Variants in QTGAL observed in about 807,000 individuals in gnomAD.
QTGAL encodes the protein queuosine-tRNA galactosyltransferase.
the QTGAL span, among the ~76,000 whole-genome samples, chr17:82,964,572 G>A: frequency 2.2e-4 from 32 of 144,856 alleles, no homozygotes; most frequent in East Asian, 6.4e-4. Flanking sequence ...GGACACGGAC[G>A]CCTGCAGGTG....
At chr17:83,044,433 G>A in the QTGAL span, among the ~76,000 whole-genome samples, 20 of 152,182 alleles carry the variant, frequency 1.3e-4, no homozygotes, top group Admixed American at 1.1e-3. Context: ...ACAAAATCCG[G>A]CACCCTTTCA....
chr17:82,946,935 G>C, the QTGAL span: 2 of 1,569,898 alleles, frequency 1.3e-6, no homozygotes, highest in Middle Eastern at 1.7e-4. Flanking sequence ...TGGCCCTCCT[G>C]CAAGTGCAGT....
chr17:82,984,281 CGTGAGCACACGGGGGAGAGGCCAT>C, the QTGAL span, among the ~76,000 whole-genome samples: 5 of 51,152 alleles, frequency 9.8e-5, no homozygotes, highest in African/African-American at 4.2e-4. Context: ...GGAGAGGCCA[CGTGAGCACACGGGGGAGAGGCCAT>C]GTGAGGATGT....
At chr17:82,942,531 G>A in the QTGAL span, 6 of 1,609,520 alleles carry the variant, frequency 3.7e-6, no homozygotes, top group African/African-American at 5.3e-5. Flanking sequence ...GGAGGCCGGT[G>A]TGGAAAGCCT....
chr17:82,973,778 G>A, the QTGAL span, among the ~76,000 whole-genome samples: 9 of 152,190 alleles, frequency 5.9e-5, no homozygotes, highest in Admixed American at 5.2e-4. Flanking sequence ...ACGAACAGTC[G>A]GACTGGGTCC....
At chr17:83,029,089 C>G in the QTGAL span, among the ~76,000 whole-genome samples, 1 of 152,324 alleles carries the variant, frequency 6.6e-6, no homozygotes, top group South Asian at 2.1e-4. Context: ...CGGGAGCATG[C>G]AGGCCGTTCC....
At chr17:82,997,928 A>G in the QTGAL span, among the ~76,000 whole-genome samples, 3 of 78,316 alleles carry the variant, frequency 3.8e-5, no homozygotes, top group South Asian at 1.8e-3. Flanking sequence ...TTTAAAAAAA[A>G]AAATATATAT....
At chr17:83,000,945 G>C in the QTGAL span, among the ~76,000 whole-genome samples, 248 of 152,350 alleles carry the variant, frequency 1.6e-3, 3 homozygotes, top group South Asian at 0.017. Context: ...GGTCATGGTT[G>C]CATGGTGTGG....
chr17:83,014,341 G>T, the QTGAL span: 1 of 1,179,616 alleles, frequency 8.5e-7, no homozygotes. Flanking sequence ...TCCGTGACTT[G>T]ACAGTCTCAC....
the QTGAL span, among the ~76,000 whole-genome samples, chr17:83,044,517 A>G: frequency 1.3e-5 from 2 of 152,244 alleles, no homozygotes; most frequent in East Asian, 1.9e-4. Context: ...ATAAAAACCT[A>G]CAGCTAACGT....
the QTGAL span, chr17:82,957,128 A>G: frequency 5.0e-6 from 8 of 1,606,646 alleles, no homozygotes; most frequent in South Asian, 7.7e-5. Flanking sequence ...GCTGTCCCTC[A>G]GCCCCGGAGC....
At chr17:82,944,222 C>G in the QTGAL span, 3 of 152,160 alleles carry the variant, frequency 2.0e-5, no homozygotes, top group African/African-American at 7.2e-5. Context: ...TAATGTCGGT[C>G]TAACTTAGCA....
At chr17:82,970,855 T>C in the QTGAL span, among the ~76,000 whole-genome samples, 2 of 152,190 alleles carry the variant, frequency 1.3e-5, no homozygotes, top group African/African-American at 4.8e-5. Flanking sequence ...TGCTTCTGGT[T>C]GGGGTATGTC....
the QTGAL span, chr17:83,035,058 A>G: frequency 6.2e-7 from 1 of 1,612,728 alleles, no homozygotes; most frequent in Admixed American, 1.7e-5. Flanking sequence ...CAAAGGTAAG[A>G]CCCTGAGCTC....
chr17:82,984,241 A>T, the QTGAL span, among the ~76,000 whole-genome samples: 4 of 85,092 alleles, frequency 4.7e-5, no homozygotes. Flanking sequence ...AGGCCACGTG[A>T]GCACACAGGA....
the QTGAL span, among the ~76,000 whole-genome samples, chr17:82,965,395 G>A: frequency 9.2e-4 from 140 of 152,324 alleles, no homozygotes; most frequent in African/African-American, 3.2e-3. Flanking sequence ...CAGTAACCTG[G>A]AGCCAGTGTA....
At chr17:83,007,531 C>T in the QTGAL span, among the ~76,000 whole-genome samples, 2 of 152,110 alleles carry the variant, frequency 1.3e-5, no homozygotes, top group South Asian at 4.2e-4. Context: ...ACACAAACAC[C>T]GAGACCCTGA....
chr17:83,016,079 T>C, the QTGAL span, among the ~76,000 whole-genome samples: 1 of 152,006 alleles, frequency 6.6e-6, no homozygotes, highest in South Asian at 2.1e-4. Context: ...ATTGATCGAG[T>C]GGTAGCTACA....
chr17:83,039,789 C>G, the QTGAL span, among the ~76,000 whole-genome samples: 1 of 152,232 alleles, frequency 6.6e-6, no homozygotes, highest in African/African-American at 2.4e-5. Flanking sequence ...GCCCCACACC[C>G]AAGTCTACTT....
Sources: gnomAD v4.1 joint callset for allele counts (sites outside exome capture counted in the v4.1 genomes callset) on GRCh38, gnomAD v4.1.1 for gene constraint, MANE v1.5 for transcripts, NCBI Gene and HGNC (gene_info 2026-07-23, HGNC 2026-07-21) for gene names.